The following ELK3 variants were observed in gnomAD, a reference collection of about 807,000 sequenced individuals.
The protein encoded by ELK3 is ETS transcription factor ELK3.
Under a neutral mutation model 28.9 loss-of-function variants are expected in ELK3, and 10 were observed. The observed-to-expected ratio is 0.35, with a 90% CI of 0.21 to 0.59. The LOEUF is 0.59. Among genes scored for constraint, ELK3 ranks in the 20% least tolerant of loss-of-function variants. The pLI is 0.82. For missense variants in ELK3, 463 were observed against 517.3 expected (o/e 0.90, Z 1.02); for synonymous variants, 272 against 243.5 (o/e 1.12, Z -1.09).
chr12:96,252,841 C>T (rs934126455), intron 3 of ELK3, among the ~76,000 whole-genome samples: 4 of 152,222 alleles, frequency 2.6e-5, no homozygotes, highest in Non-Finnish European at 4.4e-5. Context: ...CTTTACATTA[C>T]ATTACTTAGT....
intron 4 of ELK3, among the ~76,000 whole-genome samples, chr12:96,262,676 T>G (rs1952001843): frequency 6.6e-6 from 1 of 152,204 alleles, no homozygotes; most frequent in African/African-American, 2.4e-5. Context: ...ATGGCAAAAG[T>G]TGAAAATAGC....
intron 3 of ELK3, among the ~76,000 whole-genome samples, chr12:96,253,284 T>TAAA (rs1277095883): frequency 6.6e-6 from 1 of 152,132 alleles, no homozygotes; most frequent in Non-Finnish European, 1.5e-5. Context: ...AATAAATAAA[T>TAAA]AAAAGAGTCA....
At chr12:96,211,487 T>TTGTG (rs201554119) in intron 1 of ELK3, among the ~76,000 whole-genome samples, 1,421 of 54,426 alleles carry the variant, frequency 0.026, 17 homozygotes, top group African/African-American at 0.055. Flanking sequence ...CATTGTGTGT[T>TTGTG]TGTGTGTGTG....
chr12:96,258,192 G>A (rs2268502), intron 3 of ELK3, among the ~76,000 whole-genome samples: 24,001 of 152,236 alleles, frequency 0.16, 2,563 homozygotes, highest in East Asian at 0.55. Context: ...ATGCTGAGCC[G>A]TGAAGTTTTA....
chr12:96,241,522 G>C (rs1410507103), intron 2 of ELK3, among the ~76,000 whole-genome samples: 2 of 151,880 alleles, frequency 1.3e-5, no homozygotes, highest in Admixed American at 1.3e-4. Context: ...CCTGTAACCT[G>C]TCAGGGTAAC....
In ELK3 at chr12:96,269,421, G is replaced by T. The variant is rs1256154906; in HGVS notation, c.*2241G>T. 9 of 152,022 alleles carry T rather than the reference G, an allele frequency of 5.9e-5. No homozygotes were observed. The highest frequency in any genetic ancestry group is 1.3e-4 in the Non-Finnish European group (9 of 67,992). The allele number at this position is 152,022 out of a possible 1,614,324, so 9.4% of individuals were successfully genotyped here. A position where few individuals can be genotyped will look rare whatever the true frequency, so the allele number is the denominator to read the frequency against. ...TAGATCTGATTCTTTCTTTTCCTTT[G>T]GAAACTGGGATTAATGTATGCTCTA... is the stretch of plus-strand genomic sequence containing the variant. On this transcript the variant is annotated 3_prime_UTR_variant, in exon 5 of 5. Transcript: ENST00000228741.
intron 4 of ELK3, among the ~76,000 whole-genome samples, chr12:96,263,949 A>C (rs1952011550): frequency 6.6e-6 from 1 of 152,156 alleles, no homozygotes; most frequent in Non-Finnish European, 1.5e-5. Flanking sequence ...ACTGAAGAGA[A>C]AGTGGAAGGA....
intron 2 of ELK3, among the ~76,000 whole-genome samples, chr12:96,236,955 G>C (rs1951789271): frequency 6.6e-6 from 1 of 152,156 alleles, no homozygotes; most frequent in African/African-American, 2.4e-5. Context: ...GCCACCCTTG[G>C]TGTTCCTTGA....
chr12:96,266,954 G>T, intron 4 of ELK3, 128 bp from the exon 5 acceptor site: 2 of 602,666 alleles, frequency 3.3e-6, no homozygotes, highest in Non-Finnish European at 5.3e-6. Flanking sequence ...AAATACATTG[G>T]CAACTAATCT....
At chr12:96,195,930 A>G (rs1316845901) in intron 1 of ELK3, among the ~76,000 whole-genome samples, 2 of 45,738 alleles carry the variant, frequency 4.4e-5, no homozygotes, top group Non-Finnish European at 8.7e-5. Context: ...GCCGGTCTTT[A>G]ACTACCCCCA....
At chr12:96,260,551 A>G (rs1951985614) in intron 4 of ELK3, among the ~76,000 whole-genome samples, 1 of 151,208 alleles carries the variant, frequency 6.6e-6, no homozygotes, top group Admixed American at 6.8e-5. Context: ...AGAACTCTCC[A>G]TACTAGGCGA....
At chr12:96,261,521 TAGAA>T (rs995924920) in intron 4 of ELK3, among the ~76,000 whole-genome samples, 2 of 152,170 alleles carry the variant, frequency 1.3e-5, no homozygotes, top group African/African-American at 4.8e-5. Context: ...ATTAATAGAA[TAGAA>T]AGAAATTGTT....
At chr12:96,211,645 A>T (rs1202745408) in intron 1 of ELK3, among the ~76,000 whole-genome samples, 1 of 152,208 alleles carries the variant, frequency 6.6e-6, no homozygotes, top group Non-Finnish European at 1.5e-5. Context: ...TTGTGATATT[A>T]TGAAACAATT....
chr12:96,197,159 T>C (rs1206792296), intron 1 of ELK3, among the ~76,000 whole-genome samples: 1 of 151,620 alleles, frequency 6.6e-6, no homozygotes, highest in Non-Finnish European at 1.5e-5. Context: ...AAAAAGGGAG[T>C]ATTTAGAATT....
intron 3 of ELK3, among the ~76,000 whole-genome samples, chr12:96,254,975 G>T (rs1951936859): frequency 6.6e-6 from 1 of 152,098 alleles, no homozygotes; most frequent in Non-Finnish European, 1.5e-5. Flanking sequence ...CATTGAAGGG[G>T]TATGAGTGAC....
In ELK3 at chr12:96,247,398, C is replaced by T. The variant is rs1424203952; in HGVS notation, c.666C>T (p.Ile222=). The T allele has an allele frequency of 6.2e-7, 1 of 1,614,022 alleles. No individual in the cohort carries two copies. The highest frequency in any genetic ancestry group is 8.5e-7 in the Non-Finnish European group (1 of 1,180,038). The change falls in exon 3 of 5, where the codon ATC becomes ATT. Residue 222 remains isoleucine, a synonymous_variant. Transcript: ENST00000228741. This position sits in a 1 kb window ranked among gnomAD's most constrained non-coding sequence, Gnocchi z 5.5. The part of the protein sequence containing the change: ...AFLASSVSAK[I]SSLMLPNAAS... ...TGGCCTCGTCCGTCTCGGCCAAGAT[C>T]TCCTCTTTAATGTTGCCAAACGCTG... is the stretch of plus-strand genomic sequence containing the variant.
intron 3 of ELK3, among the ~76,000 whole-genome samples, chr12:96,255,807 G>A (rs1031954774): frequency 1.3e-5 from 2 of 152,048 alleles, no homozygotes; most frequent in Admixed American, 6.6e-5. Flanking sequence ...TTTTTTCCTC[G>A]TTCCATAATG....
Position 96,197,264 on chromosome 12 carries a change from T to A in ELK3, c.-3+2559T>A, listed in dbSNP as rs146077835. ...TTACCTCCCAGGAGACATTTGGCAA[T>A]GTCTGGAGATGTTTTTGGTTGTTAT... On this transcript the variant is annotated intron_variant, in intron 1 of 4. Transcript: ENST00000228741. Among the ~76,000 whole-genome samples the A allele has an allele frequency of 1.4e-3, 210 of 152,278 alleles. 2 individuals are homozygous for A. Among genetic ancestry groups the A allele is most frequent in the African/African-American group, 4.5e-3 (187 of 41,536 alleles).
rs927455835 is a variant in ELK3, at chr12:96,268,115, A to ATAAT, written c.*939_*942dup. On this transcript the variant is annotated 3_prime_UTR_variant, in exon 5 of 5. Transcript: ENST00000228741. ...AGTAAGTTGGGGTTCCCCTGGAACT[A>ATAAT]TAATTAACATTTAAAAAATCTAATG... The ATAAT allele has an allele frequency of 2.6e-5, 4 of 152,260 alleles. No individual in the cohort carries two copies. The highest frequency in any genetic ancestry group is 4.4e-5 in the Non-Finnish European group (3 of 68,036). The allele number at this position is 152,260 out of a possible 1,614,324, so 9.4% of individuals were successfully genotyped here.
Sources: gnomAD v4.1 joint callset for allele counts (sites outside exome capture counted in the v4.1 genomes callset) on GRCh38, gnomAD v4.1.1 for gene constraint, Gnocchi (gnomAD v3.1) non-coding constraint, MANE v1.5 for transcripts, NCBI Gene and HGNC (gene_info 2026-07-23, HGNC 2026-07-21) for gene names.